The following PPIL4 variants were observed in gnomAD, a reference collection of about 807,000 sequenced individuals.
PPIL4 encodes the protein peptidyl-prolyl cis-trans isomerase-like 4.
A neutral mutation model predicts 69.1 loss-of-function variants in PPIL4; 50 were observed. The observed-to-expected ratio is 0.72, with a 90% CI of 0.58 to 0.92. The LOEUF (loss-of-function observed/expected upper bound fraction) is 0.92, where lower values mean the gene tolerates loss of function less well. PPIL4 is among the 40% of genes least tolerant of loss of function. The probability of loss-of-function intolerance (pLI) is 0.00; values close to 1 mark genes in which losing one functional copy is unlikely to be tolerated. For synonymous variants in PPIL4, 193 were observed against 191.6 expected (o/e 1.01, Z -0.06); for missense variants, 480 against 587.9 (o/e 0.82, Z 1.90).
Position 149,534,749 on chromosome 6 carries a change from C to A in PPIL4, c.490G>T (p.Asp164Tyr). 6.3e-7 allele frequency: 1 copy of A among 1,583,150 alleles called. No homozygotes were observed. Among genetic ancestry groups the A allele is most frequent in the Non-Finnish European group, 8.6e-7 (1 of 1,156,584 alleles). ...AAATCAGGAGGGTCATCAAATGGATCATCTAAAATCACCGTATGATTTATC... is the reference window on the plus strand; with the variant it reads ...AAATCAGGAGGGTCATCAAATGGATAATCTAAAATCACCGTATGATTTATC... ...IRINHTVILD[D>Y]PFDDPPDLLI... is the part of the protein sequence containing the mutation. Residue 164 changes from aspartate (D) to tyrosine (Y), a missense_variant, in exon 6 of 13, where the codon GAT becomes TAT. By Grantham distance (160) the Asp-to-Tyr change is radical. Transcript: ENST00000253329.
At chr6:149,523,714 AAAG>A (rs1487825025) in intron 9 of PPIL4, among the ~76,000 whole-genome samples, 2 of 152,146 alleles carry the variant, frequency 1.3e-5, no homozygotes, top group Non-Finnish European at 2.9e-5. Flanking sequence ...GAAAAAAAAA[AAAG>A]AAGAAAATGG....
chr6:149,535,682 A>T lies in PPIL4; in HGVS notation c.378T>A (p.Phe126Leu). Residue 126 changes from phenylalanine to leucine, a missense_variant, in exon 5 of 13, where the codon TTT becomes TTA. By Grantham distance (22) the Phe-to-Leu change is conservative (BLOSUM62 0). Transcript: ENST00000253329. ...LDYLDGVHTVFGEVTEGMDII... is the reference protein window; with the variant it reads ...LDYLDGVHTVLGEVTEGMDII... ...TGTCCATGCCTTCTGTCACCTCACC[A>T]AACACCGTATGGACACCATCAAGAT... 2 of 1,611,836 alleles carry T rather than the reference A, an allele frequency of 1.2e-6. No individual in the cohort carries two copies. The highest frequency in any genetic ancestry group is 1.7e-6 in the Non-Finnish European group (2 of 1,178,102).
At chr6:149,539,991 G>A (rs977325849) in intron 4 of PPIL4, among the ~76,000 whole-genome samples, 3 of 152,114 alleles carry the variant, frequency 2.0e-5, no homozygotes, top group African/African-American at 7.2e-5. Flanking sequence ...GTAGCCGAGC[G>A]TGGTGGTGGG....
At chr6:149,522,356 C>A (rs1325031230) in intron 9 of PPIL4, among the ~76,000 whole-genome samples, 1 of 152,134 alleles carries the variant, frequency 6.6e-6, no homozygotes, top group Non-Finnish European at 1.5e-5. Context: ...ACAGCTATGA[C>A]AATCTTCAAA....
rs79266580 is a variant in PPIL4 at position 149,529,269 on chromosome 6, C to G, written c.679-2493G>C. 3.5e-3 allele frequency among the ~76,000 whole-genome samples: 523 copies of G among 150,916 alleles called. 3 individuals are homozygous for G. The highest frequency in any genetic ancestry group is 0.012 in the African/African-American group (501 of 41,144). On this transcript the variant is annotated intron_variant, in intron 7 of 12. Coordinates refer to ENST00000253329, the MANE Select transcript of PPIL4 (RefSeq NM_139126.4). ...AAAAGAAAGAAATGAAATCCCAGGC[C>G]GGGCAACATAGTGAGACTCTGTCTC... is the stretch of plus-strand genomic sequence containing the variant.
chr6:149,543,244 G>A, intron 1 of PPIL4, among the ~76,000 whole-genome samples: 1 of 152,112 alleles, frequency 6.6e-6, no homozygotes, highest in East Asian at 1.9e-4. Context: ...CATTAAACTG[G>A]AACCTAATCA....
At chr6:149,537,427 G>C (rs1777294233) in intron 4 of PPIL4, among the ~76,000 whole-genome samples, 1 of 152,152 alleles carries the variant, frequency 6.6e-6, no homozygotes, top group South Asian at 2.1e-4. Flanking sequence ...TGCTAAATCG[G>C]CCGGGCGCGG....
chr6:149,525,928 G>A (rs1187169597), intron 8 of PPIL4, among the ~76,000 whole-genome samples: 4 of 151,848 alleles, frequency 2.6e-5, no homozygotes, highest in South Asian at 2.1e-4. Context: ...GTGAAACCCC[G>A]TCTCTACTAA....
At chr6:149,508,229 G>A (rs948850663) in intron 12 of PPIL4, among the ~76,000 whole-genome samples, 4 of 152,120 alleles carry the variant, frequency 2.6e-5, no homozygotes, top group African/African-American at 4.8e-5. Flanking sequence ...TCCAACACCT[G>A]ACTGAACCAA....
At chr6:149,517,306 T>C (rs751913578) in intron 11 of PPIL4, 48 bp downstream of exon 11, 3 of 998,072 alleles carry the variant, frequency 3.0e-6, no homozygotes, top group African/African-American at 1.6e-5. Flanking sequence ...ACTCTACACA[T>C]AGCAGATGGT....
Position 149,521,173 on chromosome 6 carries a change from T to C in PPIL4, c.871-2A>G, listed in dbSNP as rs767138150. ...GAATGCTTTCTCACAATCTTCTTCC[T>C]GATAATAATTATAAAAACTCAAGCA... On this transcript the variant is annotated splice_acceptor_variant, in intron 9 of 12. Coordinates refer to ENST00000253329, the MANE Select transcript of PPIL4 (RefSeq NM_139126.4). LOFTEE classifies it high-confidence loss of function. The C allele has an allele frequency of 6.8e-7, 1 of 1,471,952 alleles. No homozygotes were observed. The highest frequency in any genetic ancestry group is 1.8e-5 in the Admixed American group (1 of 54,890). The allele number at this position is 1,471,952 out of a possible 1,614,324, so 91.2% of individuals were successfully genotyped here.
intron 4 of PPIL4, among the ~76,000 whole-genome samples, chr6:149,539,842 T>A (rs1160666954): frequency 6.6e-6 from 1 of 152,178 alleles, no homozygotes; most frequent in Non-Finnish European, 1.5e-5. Context: ...TAATAAAGTA[T>A]TTTTTGGTCG....
At chr6:149,545,797 TA>T in intron 1 of PPIL4, 138 bp downstream of exon 1, 2 of 756,460 alleles carry the variant, frequency 2.6e-6, no homozygotes, top group Non-Finnish European at 4.3e-6. Context: ...GGCCGGTTAA[TA>T]AAATAGCCCA....
intron 11 of PPIL4, 171 bp downstream of exon 11, chr6:149,517,183 G>T: frequency 1.8e-6 from 1 of 560,054 alleles, no homozygotes; most frequent in South Asian, 2.4e-5. Flanking sequence ...CAAAGTATAT[G>T]TAAGATCTTG....
chr6:149,513,679 A>G (rs1190928258), intron 11 of PPIL4, among the ~76,000 whole-genome samples: 1 of 151,932 alleles, frequency 6.6e-6, no homozygotes, highest in African/African-American at 2.4e-5. Flanking sequence ...ATAACTTTAC[A>G]TAAGAGAAAG....
intron 12 of PPIL4, among the ~76,000 whole-genome samples, chr6:149,507,458 T>C (rs779968060): frequency 9.9e-5 from 15 of 152,238 alleles, no homozygotes; most frequent in African/African-American, 1.7e-4. Context: ...CATTCTGAGA[T>C]AAAAGAATTT....
At position 149,545,954 on chromosome 6, in the gene PPIL4, T is replaced by C; in HGVS notation, c.52A>G (p.Thr18Ala). 1 of 1,590,480 alleles carries C rather than the reference T, an allele frequency of 6.3e-7. No homozygotes were observed. The highest frequency in any genetic ancestry group is 8.6e-7 in the Non-Finnish European group (1 of 1,166,198). The change falls in exon 1 of 13, where the codon ACC becomes GCC. Residue 18 changes from threonine (T) to alanine (A), a missense_variant. Thr to Ala is a moderately conservative substitution (Grantham distance 58). Transcript: ENST00000253329. ...TLGDVVIDLYTEERPRACLNF... is the reference protein window; with the variant it reads ...TLGDVVIDLYAEERPRACLNF... ...GCCTCACCACGCGGCCGTTCTTCGG[T>C]GTACAAGTCGATGACGACGTCGCCT... is the stretch of plus-strand genomic sequence containing the variant.
chr6:149,516,193 T>TG (rs1776941046), intron 11 of PPIL4, among the ~76,000 whole-genome samples: 1 of 152,226 alleles, frequency 6.6e-6, no homozygotes, highest in Non-Finnish European at 1.5e-5. Context: ...AAATATCAAA[T>TG]GTATTCCATT....
At chr6:149,526,328 G>C (rs1777106584) in intron 8 of PPIL4, among the ~76,000 whole-genome samples, 2 of 152,064 alleles carry the variant, frequency 1.3e-5, no homozygotes. Flanking sequence ...AGTTGAATGA[G>C]ATAAATATTT....
Sources: allele counts gnomAD v4.1 joint callset (sites outside exome capture counted in the v4.1 genomes callset), GRCh38; gene constraint gnomAD v4.1.1; transcripts MANE v1.5; gene names NCBI Gene and HGNC (gene_info 2026-07-23, HGNC 2026-07-21).